ARHGAP44: variants seen among roughly 807,000 people sequenced by gnomAD.
ARHGAP44 encodes the protein Rho GTPase activating protein 44.
In ARHGAP44, 43 loss-of-function variants were observed where a neutral mutation model predicts 106.8. The observed-to-expected ratio is 0.40, with a 90% CI of 0.32 to 0.52. ARHGAP44 has a LOEUF of 0.52. ARHGAP44 is among the 20% of genes least tolerant of loss of function. ARHGAP44 has a pLI of 0.48. For missense variants in ARHGAP44, 866 were observed against 1,050.5 expected (o/e 0.82, Z 2.43); for synonymous variants, 439 against 410.3 (o/e 1.07, Z -0.85).
chr17:12,836,647 A>G (rs1195884141), intron 1 of ARHGAP44, among the ~76,000 whole-genome samples: 2 of 151,678 alleles, frequency 1.3e-5, no homozygotes, highest in South Asian at 2.1e-4. Flanking sequence ...ACAGAGTGAG[A>G]CTCTGTCTCA....
rs748164647 is a variant in ARHGAP44 at position 12,974,194 on chromosome 17, CGCCGAGCTG to C, written c.1650_1658del (p.Glu551_Ala553del). 8 of 1,548,966 alleles carry C rather than the reference CGCCGAGCTG, an allele frequency of 5.2e-6. No homozygotes were observed. The South Asian group carries it at 9.5e-5, about 18-fold the overall frequency. On this transcript the variant is annotated inframe_deletion, in exon 18 of 21. Coordinates refer to ENST00000379672, the MANE Select transcript of ARHGAP44 (RefSeq NM_014859.6). ...CCTCCATGCAGCCTCCCGCCCCGCCCGCCGAGCTGGCTGCGCCCCTGCCTTCGCCGCTGC... is the reference window on the plus strand; with the variant it reads ...CCTCCATGCAGCCTCCCGCCCCGCCCGCTGCGCCCCTGCCTTCGCCGCTGC...
Position 12,984,433 on chromosome 17 carries a change from G to A in ARHGAP44, c.1940-98G>A, listed in dbSNP as rs572452226. On this transcript the variant is annotated intron_variant, in intron 19 of 20. Coordinates refer to ENST00000379672, the MANE Select transcript of ARHGAP44 (RefSeq NM_014859.6). The stretch of plus-strand genomic sequence containing the variant: ...GTGGGTGGCGAGGGGCAGGAGGTGG[G>A]GACAGCTTTGAACGCTGAAGGGTGT... The A allele has an allele frequency of 4.4e-6, 6 of 1,358,404 alleles. No homozygotes were observed. The East Asian group carries it at 1.6e-4, about 35-fold the overall frequency. 84.1% of individuals were successfully genotyped at this position (1,358,404 alleles called of 1,614,324 possible).
chr17:12,887,089 C>T (rs1290323495), intron 1 of ARHGAP44, among the ~76,000 whole-genome samples: 1 of 150,728 alleles, frequency 6.6e-6, no homozygotes, highest in African/African-American at 2.4e-5. Context: ...GAGTGGATTA[C>T]ACTGATTGAT....
At chr17:12,917,145 A>G (rs2037942509) in intron 5 of ARHGAP44, 1 of 154,372 alleles carries the variant, frequency 6.5e-6, no homozygotes, top group South Asian at 2.0e-4. Flanking sequence ...AGAACTCTGT[A>G]TTAGTCAGGG....
At chr17:12,915,070 G>A (rs1567684170) in intron 4 of ARHGAP44, among the ~76,000 whole-genome samples, 1 of 152,112 alleles carries the variant, frequency 6.6e-6, no homozygotes, top group Non-Finnish European at 1.5e-5. Context: ...ACAGGGTCTC[G>A]CTCTGTCACC....
At chr17:12,840,912 C>G (rs1299282701) in intron 1 of ARHGAP44, among the ~76,000 whole-genome samples, 1 of 152,168 alleles carries the variant, frequency 6.6e-6, no homozygotes, top group Non-Finnish European at 1.5e-5. Context: ...GGTACCCTGA[C>G]CTGACCCAGC....
intron 1 of ARHGAP44, among the ~76,000 whole-genome samples, chr17:12,892,765 C>G (rs1056831362): frequency 1.3e-5 from 2 of 148,502 alleles, no homozygotes; most frequent in Admixed American, 6.7e-5. Flanking sequence ...TCTGCCCGCT[C>G]TGTTCTGCTG....
At chr17:12,857,136 CA>C (rs1381758107) in intron 1 of ARHGAP44, among the ~76,000 whole-genome samples, 1 of 152,192 alleles carries the variant, frequency 6.6e-6, no homozygotes, top group Non-Finnish European at 1.5e-5. Context: ...AAGTCCCTGG[CA>C]ATCCACTTTC....
intron 18 of ARHGAP44, among the ~76,000 whole-genome samples, chr17:12,977,346 TCCCTCGAGTGG>T (rs2039709612): frequency 6.6e-6 from 1 of 152,074 alleles, no homozygotes; most frequent in Non-Finnish European, 1.5e-5. Flanking sequence ...CAGATGATGT[TCCCTCGAGTGG>T]CCGGATTCTC....
At chr17:12,902,293 C>G (rs1598024575) in intron 3 of ARHGAP44, among the ~76,000 whole-genome samples, 1 of 152,158 alleles carries the variant, frequency 6.6e-6, no homozygotes, top group Non-Finnish European at 1.5e-5. Context: ...TTGCTCTATC[C>G]TCCGCAGGGA....
chr17:12,962,085 A>G (rs951147667), intron 16 of ARHGAP44, among the ~76,000 whole-genome samples: 6 of 151,638 alleles, frequency 4.0e-5, no homozygotes, highest in East Asian at 1.9e-4. Flanking sequence ...AAAAAAATAT[A>G]TATATATATG....
intron 16 of ARHGAP44, among the ~76,000 whole-genome samples, chr17:12,962,268 A>T (rs1189968116): frequency 2.6e-5 from 4 of 151,804 alleles, no homozygotes; most frequent in Non-Finnish European, 1.5e-5. Context: ...TTCCCTCGCG[A>T]CTCTGGGCTT....
At chr17:12,831,235 C>T (rs963964749) in intron 1 of ARHGAP44, among the ~76,000 whole-genome samples, 3 of 152,182 alleles carry the variant, frequency 2.0e-5, no homozygotes, top group African/African-American at 7.2e-5. Context: ...CACAGCTAGT[C>T]AGTGAAGAGT....
intron 3 of ARHGAP44, among the ~76,000 whole-genome samples, chr17:12,901,067 G>A (rs1473608424): frequency 6.6e-6 from 1 of 151,832 alleles, no homozygotes; most frequent in Non-Finnish European, 1.5e-5. Context: ...GAGATTACAG[G>A]CACCTGCCAC....
intron 1 of ARHGAP44, among the ~76,000 whole-genome samples, chr17:12,805,884 G>A (rs1407873294): frequency 6.6e-6 from 1 of 152,178 alleles, no homozygotes; most frequent in Non-Finnish European, 1.5e-5. Context: ...GGTGAGTTCA[G>A]AGTTATTCTG....
intron 5 of ARHGAP44, among the ~76,000 whole-genome samples, chr17:12,916,396 T>G (rs1325889363): frequency 6.6e-6 from 1 of 151,988 alleles, no homozygotes; most frequent in Non-Finnish European, 1.5e-5. Flanking sequence ...TTTATGTTTT[T>G]TTTTTGAGAT....
chr17:12,901,516 G>A (rs185120696), intron 3 of ARHGAP44, among the ~76,000 whole-genome samples: 1 of 152,266 alleles, frequency 6.6e-6, no homozygotes, highest in African/African-American at 2.4e-5. Flanking sequence ...ATGCAACGAG[G>A]ACCTGAAGAT....
Position 12,842,414 on chromosome 17 carries a change from CAAAA to C in ARHGAP44, c.54-52510_54-52507del, listed in dbSNP as rs558245390. ...CCTGGGTGACAGAGCGAGACCATCT[CAAAA>C]AAAAAAAAAAAAAAAGAAAGAAAAA... On this transcript the variant is annotated intron_variant, in intron 1 of 20. Transcript: ENST00000379672. Among the ~76,000 whole-genome samples, 30 of 56,416 alleles carry C rather than the reference CAAAA, an allele frequency of 5.3e-4. 1 individual carries two copies. The highest frequency in any genetic ancestry group is 1.5e-3 in the African/African-American group (29 of 19,928). The allele number at this position is 56,416 out of a possible 152,430, so 37.0% of individuals were successfully genotyped here. A position where few individuals can be genotyped will look rare whatever the true frequency, so the allele number is the denominator to read the frequency against.
intron 1 of ARHGAP44, among the ~76,000 whole-genome samples, chr17:12,832,185 T>C (rs1008383161): frequency 6.6e-6 from 1 of 152,182 alleles, no homozygotes; most frequent in Admixed American, 6.5e-5. Flanking sequence ...CAAAATTTAT[T>C]CAGAGACTGG....
Sources: allele counts gnomAD v4.1 joint callset (sites outside exome capture counted in the v4.1 genomes callset), GRCh38; gene constraint gnomAD v4.1.1; transcripts MANE v1.5; gene names NCBI Gene and HGNC (gene_info 2026-07-23, HGNC 2026-07-21).